CPS1: variants seen among roughly 807,000 people sequenced by gnomAD.
The protein encoded by CPS1 is carbamoyl-phosphate synthase 1, also known as carbamoyl-phosphate synthase [ammonia], mitochondrial.
Under a neutral mutation model 174.6 loss-of-function variants are expected in CPS1, and 109 were observed. That is an observed-to-expected ratio of 0.62 (90% CI 0.53 to 0.73). CPS1 has a LOEUF of 0.73. Among genes scored for constraint, CPS1 ranks in the 30% least tolerant of loss-of-function variants. The pLI is 0.00. For missense variants in CPS1, 1,689 were observed against 1,821.9 expected (o/e 0.93, Z 1.33); for synonymous variants, 637 against 632.0 (o/e 1.01, Z -0.12).
At chr2:210,582,109 G>T (rs1345961225) in intron 5 of CPS1, among the ~76,000 whole-genome samples, 11 of 152,108 alleles carry the variant, frequency 7.2e-5, no homozygotes, top group Non-Finnish European at 1.6e-4. Flanking sequence ...CCTAAACAGT[G>T]AATATTTTCA....
Position 210,500,475 on chromosome 2 carries a change from G to A in CPS1, c.3+22709G>A, listed in dbSNP as rs549749805. Among the ~76,000 whole-genome samples the A allele has an allele frequency of 8.5e-5, 13 of 152,304 alleles. 1 individual carries two copies. The highest frequency in any genetic ancestry group is 3.1e-4 in the African/African-American group (13 of 41,576). ...CTTCCTAGATACAGTGGAGGTACAGGCCTTGGGTAAATACACCTATTCCAA... is the reference window on the plus strand; with the variant it reads ...CTTCCTAGATACAGTGGAGGTACAGACCTTGGGTAAATACACCTATTCCAA... On this transcript the variant is annotated intron_variant, in intron 1 of 38. Coordinates refer to the CPS1 transcript ENST00000430249.
intron 1 of CPS1, among the ~76,000 whole-genome samples, chr2:210,544,722 G>T (rs891279740): frequency 3.3e-5 from 5 of 151,922 alleles, no homozygotes; most frequent in African/African-American, 1.2e-4. Flanking sequence ...ATAAAATTTG[G>T]AGCAGAATTC....
At chr2:210,636,946 A>G (rs1700058418) in intron 21 of CPS1, among the ~76,000 whole-genome samples, 2 of 152,256 alleles carry the variant, frequency 1.3e-5, no homozygotes, top group Non-Finnish European at 2.9e-5. Context: ...TGTCTTCTCA[A>G]CATAGACAGA....
At position 210,606,951 on chromosome 2, in the gene CPS1, G is replaced by C. The variant is rs2105850342; in HGVS notation, c.2192+10G>C. On this transcript the variant is annotated intron_variant, in intron 18 of 37. Coordinates refer to ENST00000233072, the MANE Select transcript of CPS1 (RefSeq NM_001875.5). ...CCTCAAAAGCCACTGGGTAAGACCA[G>C]AATAATTGACCATGGGTTTGCAGAT... is the stretch of plus-strand genomic sequence containing the variant. 1.9e-6 allele frequency: 3 copies of C among 1,608,078 alleles called. No individual in the cohort carries two copies. The highest frequency in any genetic ancestry group is 1.8e-4 in the Middle Eastern group (1 of 5,642).
chr2:210,655,516 G>A (rs562702517), intron 29 of CPS1, among the ~76,000 whole-genome samples: 95 of 140,676 alleles, frequency 6.8e-4, no homozygotes, highest in African/African-American at 2.2e-3. Flanking sequence ...TGGGGTGCCT[G>A]AGCTCAGTGG....
chr2:210,514,398 C>T (rs1264666968), intron 1 of CPS1, among the ~76,000 whole-genome samples: 2 of 151,806 alleles, frequency 1.3e-5, no homozygotes, highest in Admixed American at 6.6e-5. Flanking sequence ...AGATCTCTCA[C>T]CTCCTTAGGT....
At position 210,573,794 on chromosome 2, in the gene CPS1, T is replaced by G. The variant is rs116960468; in HGVS notation, c.236+387T>G. Among the ~76,000 whole-genome samples, 193 of 152,134 alleles carry G rather than the reference T, an allele frequency of 1.3e-3. 1 individual carries two copies. The East Asian group carries it at 0.015, about 12-fold the overall frequency. ...ATAGTATATTCTAGTGCTATTTCAT[T>G]AGGAAAGAATCAATTTTGCACATCT... On this transcript the variant is annotated intron_variant, in intron 2 of 37. Coordinates refer to ENST00000233072, the MANE Select transcript of CPS1 (RefSeq NM_001875.5).
At chr2:210,656,469 T>G in intron 29 of CPS1, 56 bp from the exon 30 acceptor site, 2 of 1,301,432 alleles carry the variant, frequency 1.5e-6, no homozygotes, top group Non-Finnish European at 2.2e-6. Context: ...AGTAGCTTCC[T>G]TGAAGGAAGT....
At chr2:210,535,877 T>TTCTACGCA (rs1696238392) in intron 1 of CPS1, among the ~76,000 whole-genome samples, 1 of 140,704 alleles carries the variant, frequency 7.1e-6, no homozygotes, top group Non-Finnish European at 1.5e-5. Context: ...TTGGGTAAAG[T>TTCTACGCA]TCTACGCAGC....
intron 1 of CPS1, among the ~76,000 whole-genome samples, chr2:210,480,177 C>T (rs1210876658): frequency 6.6e-6 from 1 of 152,148 alleles, no homozygotes; most frequent in Non-Finnish European, 1.5e-5. Context: ...CTCATCAAGT[C>T]CATGCTGGTC....
At position 210,591,953 on chromosome 2, in the gene CPS1, A is replaced by G. The variant is rs761817028; in HGVS notation, c.1070A>G (p.Asn357Ser). 6.8e-6 allele frequency: 11 copies of G among 1,611,624 alleles called. No homozygotes were observed. The highest frequency in any genetic ancestry group is 2.7e-5 in the African/African-American group (2 of 74,816). ...TGGAAACCACTTTTTGTGAATGTCAACGATCAAACAAATGAGGTAAATGAT... is the reference window on the plus strand; with the variant it reads ...TGGAAACCACTTTTTGTGAATGTCAGCGATCAAACAAATGAGGTAAATGAT... ...AGWKPLFVNVNDQTNEGIMHE... is the reference protein window; with the variant it reads ...AGWKPLFVNVSDQTNEGIMHE... Residue 357 changes from asparagine (N) to serine (S), a missense_variant, in exon 10 of 38, where the codon AAC (asparagine) becomes AGC (serine). Physicochemically the swap from Asn to Ser is conservative, Grantham distance 46. Transcript: ENST00000233072.
At chr2:210,598,148 C>T (rs1325390019) in intron 13 of CPS1, among the ~76,000 whole-genome samples, 2 of 151,504 alleles carry the variant, frequency 1.3e-5, no homozygotes, top group Non-Finnish European at 2.9e-5. Flanking sequence ...AAATAAGATC[C>T]TTTTTGAATA....
Position 210,579,729 on chromosome 2 carries a change from G to A in CPS1, c.487G>A (p.Gly163Arg), listed in dbSNP as rs200214298. Residue 163 changes from glycine (G) to arginine (R), a missense_variant, in exon 5 of 38, where the codon GGA becomes AGA. Transcript: ENST00000233072. Reference protein sequence around the residue: ...LQEEKVPAIYGVDTRMLTKII... With the variant: ...LQEEKVPAIYRVDTRMLTKII... Reference sequence around the variant, plus strand: ...TTTCTTATAGGTTCCTGCAATTTATGGAGTGGACACAAGAATGCTGACTAA... The same window carrying A: ...TTTCTTATAGGTTCCTGCAATTTATAGAGTGGACACAAGAATGCTGACTAA... 116 of 1,613,072 alleles carry A rather than the reference G, an allele frequency of 7.2e-5. No homozygotes were observed. The East Asian group carries it at 2.1e-3, about 29-fold the overall frequency.
intron 1 of CPS1, among the ~76,000 whole-genome samples, chr2:210,532,343 T>G (rs1442425980): frequency 6.6e-6 from 1 of 152,166 alleles, no homozygotes; most frequent in Non-Finnish European, 1.5e-5. Context: ...ATGTATTAGA[T>G]TAAAAATTAT....
chr2:210,540,792 G>A (rs1696376843), intron 1 of CPS1, among the ~76,000 whole-genome samples: 1 of 152,084 alleles, frequency 6.6e-6, no homozygotes, highest in Non-Finnish European at 1.5e-5. Context: ...CTAGAAATAT[G>A]TCTGTGTTTA....
intron 1 of CPS1, among the ~76,000 whole-genome samples, chr2:210,557,185 A>T (rs1289425018): frequency 6.6e-6 from 1 of 152,058 alleles, no homozygotes; most frequent in Non-Finnish European, 1.5e-5. Flanking sequence ...TACAGTTTGG[A>T]TTTAAAAAAT....
chr2:210,627,919 A>G (rs1699743585), intron 21 of CPS1, among the ~76,000 whole-genome samples: 1 of 151,986 alleles, frequency 6.6e-6, no homozygotes, highest in African/African-American at 2.4e-5. Flanking sequence ...AATTGTATCT[A>G]TTAAGCACTT....
At position 210,543,539 on chromosome 2, in the gene CPS1, A is replaced by G. The variant is rs572442858; in HGVS notation, c.4-13180A>G. ...ATCATTCACATCTCAGTTTCCTCGG[A>G]CTGTTTTAAGCATCCAATCTAAATT... On this transcript the variant is annotated intron_variant, in intron 1 of 38. Coordinates refer to the CPS1 transcript ENST00000430249. Among the ~76,000 whole-genome samples, 27 of 152,086 alleles carry G rather than the reference A, an allele frequency of 1.8e-4. No individual in the cohort carries two copies. In the South Asian group the frequency reaches 5.4e-3, roughly 30 times the overall value.
At chr2:210,497,916 A>ATATC (rs1553718853) in intron 1 of CPS1, among the ~76,000 whole-genome samples, 1 of 140,614 alleles carries the variant, frequency 7.1e-6, no homozygotes, top group African/African-American at 2.7e-5. Context: ...ATATATATAT[A>ATATC]TATCTCCAGT....
Sources: allele counts gnomAD v4.1 joint callset (sites outside exome capture counted in the v4.1 genomes callset), GRCh38; gene constraint gnomAD v4.1.1; transcripts MANE v1.5; gene names NCBI Gene and HGNC (gene_info 2026-07-23, HGNC 2026-07-21).